Variants in ARFGEF1 observed in about 807,000 individuals in gnomAD.
The protein encoded by ARFGEF1 is brefeldin A-inhibited guanine nucleotide-exchange protein 1.
ARFGEF1 carries 42 observed loss-of-function variants against 231.0 expected under a neutral mutation model. The observed-to-expected ratio is 0.18, with a 90% confidence interval of 0.14 to 0.24. The LOEUF (loss-of-function observed/expected upper bound fraction) is 0.24. Among genes scored for constraint, ARFGEF1 ranks in the 10% least tolerant of loss-of-function variants. ARFGEF1 has a pLI of 1.00. For synonymous variants in ARFGEF1, 710 were observed against 732.3 expected (o/e 0.97, Z 0.49); for missense variants, 1,345 against 2,192.0 (o/e 0.61, Z 7.72).
chr8:67,228,183 C>G (rs766671680), intron 24 of ARFGEF1, 41 bp downstream of exon 24: 12 of 1,607,786 alleles, frequency 7.5e-6, no homozygotes, highest in Non-Finnish European at 1.0e-5. Flanking sequence ...GTTATTTTAG[C>G]CCCAAGCCAG....
At chr8:67,258,441 C>T (rs960063997) in intron 15 of ARFGEF1, 151 bp from the exon 16 acceptor site, 32 of 581,358 alleles carry the variant, frequency 5.5e-5, no homozygotes, top group Admixed American at 1.6e-4. Context: ...TCTCCTGCCT[C>T]GGCCTCCCGA....
rs1285475170 is a variant in ARFGEF1 at position 67,266,595 on chromosome 8, TTA to T, written c.1921+279_1921+280del. Among the ~76,000 whole-genome samples the T allele has an allele frequency of 5.3e-5, 8 of 152,148 alleles. No individual in the cohort carries two copies. The South Asian group carries it at 8.3e-4, about 16-fold the overall frequency. On this transcript the variant is annotated intron_variant, in intron 13 of 38. Coordinates refer to ENST00000262215, the MANE Select transcript of ARFGEF1 (RefSeq NM_006421.5). ...CAACCTTCTTAAAACATACTGCCTT[TTA>T]TATGTTTCCTCTATAATTATAATAC...
intron 5 of ARFGEF1, among the ~76,000 whole-genome samples, chr8:67,192,066 G>GTTTT (rs34907123): frequency 1.2e-4 from 15 of 129,844 alleles, no homozygotes; most frequent in African/African-American, 3.6e-4. Context: ...TTGCTGATTT[G>GTTTT]TTTTTTTTTT....
chr8:67,291,419 C>CTT (rs58068449), intron 6 of ARFGEF1, among the ~76,000 whole-genome samples: 4,765 of 145,590 alleles, frequency 0.033, 237 homozygotes, highest in African/African-American at 0.11. Context: ...AATTTCAGTA[C>CTT]TTTTTTTTTT....
chr8:67,188,666 C>T (rs960738182), intron 5 of ARFGEF1, among the ~76,000 whole-genome samples: 1 of 152,152 alleles, frequency 6.6e-6, no homozygotes, highest in Non-Finnish European at 1.5e-5. Flanking sequence ...TCCACCAGTG[C>T]TGTTTGCCGC....
intron 5 of ARFGEF1, among the ~76,000 whole-genome samples, chr8:67,186,525 A>T (rs1834647725): frequency 6.6e-6 from 1 of 152,184 alleles, no homozygotes; most frequent in Non-Finnish European, 1.5e-5. Flanking sequence ...AACTTGGAAT[A>T]GAGGGGGAAC....
intron 1 of ARFGEF1, among the ~76,000 whole-genome samples, chr8:67,340,376 G>A (rs919658544): frequency 6.6e-6 from 1 of 152,136 alleles, no homozygotes. Context: ...ATAGAACCGA[G>A]AGGACTAAAT....
intron 1 of ARFGEF1, among the ~76,000 whole-genome samples, chr8:67,317,898 CAA>C (rs951058819): frequency 4.9e-4 from 27 of 54,850 alleles, no homozygotes; most frequent in African/African-American, 9.9e-4. Flanking sequence ...GACTCTGTCT[CAA>C]AAAAAAAAAA....
chr8:67,202,982 G>T, intron 36 of ARFGEF1, 101 bp downstream of exon 36: 1 of 1,241,120 alleles, frequency 8.1e-7, no homozygotes, highest in Non-Finnish European at 1.1e-6. Flanking sequence ...ATAGTGACAT[G>T]CACAGACCTA....
intron 1 of ARFGEF1, 58 bp downstream of exon 1, chr8:67,343,106 C>CG: frequency 2.0e-5 from 5 of 254,856 alleles, no homozygotes; most frequent in South Asian, 1.1e-4. Flanking sequence ...CCCCCACAGG[C>CG]GCCCCCCTCC....
intron 9 of ARFGEF1, among the ~76,000 whole-genome samples, chr8:67,272,175 T>A (rs554936759): frequency 1.3e-5 from 2 of 152,322 alleles, no homozygotes; most frequent in African/African-American, 4.8e-5. Context: ...ACAAACTTTT[T>A]AAATTTATTA....
chr8:67,191,282 T>C (rs1836159657), intron 5 of ARFGEF1, among the ~76,000 whole-genome samples: 1 of 152,210 alleles, frequency 6.6e-6, no homozygotes, highest in Admixed American at 6.5e-5. Context: ...GTAGGCAGCT[T>C]GGGCAATTTC....
At chr8:67,230,155 A>G (rs1371987763) in intron 23 of ARFGEF1, among the ~76,000 whole-genome samples, 1 of 152,096 alleles carries the variant, frequency 6.6e-6, no homozygotes, top group Non-Finnish European at 1.5e-5. Flanking sequence ...GCCGTATGGT[A>G]GAGCACAGCA....
intron 1 of ARFGEF1, among the ~76,000 whole-genome samples, chr8:67,317,464 A>G (rs1807371876): frequency 1.3e-5 from 2 of 152,204 alleles, no homozygotes; most frequent in South Asian, 4.1e-4. Flanking sequence ...CACTGAACAA[A>G]GGCAGTATAG....
At chr8:67,340,481 G>A (rs1206394871) in intron 1 of ARFGEF1, among the ~76,000 whole-genome samples, 2 of 152,204 alleles carry the variant, frequency 1.3e-5, no homozygotes, top group Non-Finnish European at 2.9e-5. Context: ...ATAGTGAAGT[G>A]GAGAAGATAA....
Position 67,266,162 on chromosome 8 carries a change from G to T in ARFGEF1, c.1967C>A (p.Pro656His). 1 of 1,613,652 alleles carries T rather than the reference G, an allele frequency of 6.2e-7. No individual in the cohort carries two copies. The highest frequency in any genetic ancestry group is 2.2e-5 in the East Asian group (1 of 44,834). Reference sequence around the variant, plus strand: ...ACTTCCGTATCTGTTTATTGTCTCAGGGTGTTTGATTTCACTCATCTCTTG... The same window carrying T: ...ACTTCCGTATCTGTTTATTGTCTCATGGTGTTTGATTTCACTCATCTCTTG... ...SEQEMSEIKH[P>H]ETINRYGSLN... Residue 656 changes from proline (P) to histidine (H), a missense_variant, in exon 14 of 39, where the codon CCT (proline) becomes CAT (histidine). Pro to His is a moderately conservative substitution (Grantham distance 77). Transcript: ENST00000262215.
downstream of ARFGEF1, among the ~76,000 whole-genome samples, chr8:67,194,795 A>AAT (rs1485186116): frequency 6.6e-6 from 1 of 152,164 alleles, no homozygotes; most frequent in East Asian, 1.9e-4. Context: ...GCGTACAATC[A>AAT]ATCAGATTCA....
intron 1 of ARFGEF1, among the ~76,000 whole-genome samples, chr8:67,335,400 G>C (rs1034106878): frequency 6.6e-6 from 1 of 151,806 alleles, no homozygotes; most frequent in African/African-American, 2.4e-5. Flanking sequence ...CCACCACGCC[G>C]GGCCCCGTAT....
intron 1 of ARFGEF1, among the ~76,000 whole-genome samples, chr8:67,325,780 G>A (rs1437817392): frequency 2.0e-5 from 3 of 152,144 alleles, no homozygotes; most frequent in Admixed American, 1.3e-4. Context: ...GGCAAAGAAG[G>A]GAAGGAAGAC....
Sources: allele counts gnomAD v4.1 joint callset (sites outside exome capture counted in the v4.1 genomes callset), GRCh38; gene constraint gnomAD v4.1.1; transcripts MANE v1.5; gene names NCBI Gene and HGNC (gene_info 2026-07-23, HGNC 2026-07-21).